KCND2: variants seen among roughly 807,000 people sequenced by gnomAD.
The protein encoded by KCND2 is A-type voltage-gated potassium channel KCND2.
A neutral mutation model predicts 54.4 loss-of-function variants in KCND2; 16 were observed. The observed-to-expected ratio is 0.29, with a 90% CI of 0.20 to 0.45. The LOEUF is 0.45. Among genes scored for constraint, KCND2 ranks in the 20% least tolerant of loss-of-function variants. The pLI is 1.00. For synonymous variants in KCND2, 317 were observed against 310.7 expected (o/e 1.02, Z -0.21); for missense variants, 486 against 824.2 (o/e 0.59, Z 5.02).
intron 1 of KCND2, among the ~76,000 whole-genome samples, chr7:120,440,523 T>C (rs558609027): frequency 5.6e-4 from 85 of 152,240 alleles, no homozygotes; most frequent in African/African-American, 1.9e-3. Context: ...TTGGCTTTTT[T>C]AGTCTGTGCT....
intron 1 of KCND2, among the ~76,000 whole-genome samples, chr7:120,318,623 T>C (rs1235401709): frequency 6.6e-6 from 1 of 152,104 alleles, no homozygotes; most frequent in Non-Finnish European, 1.5e-5. Flanking sequence ...AATCCAGAGA[T>C]TGAGAACCAA....
intron 1 of KCND2, among the ~76,000 whole-genome samples, chr7:120,636,941 G>C (rs1489605785): frequency 6.6e-6 from 1 of 152,012 alleles, no homozygotes; most frequent in East Asian, 1.9e-4. Flanking sequence ...CTATGAATGG[G>C]GAAACTGACC....
chr7:120,736,726 C>G (rs1414908684), intron 2 of KCND2, among the ~76,000 whole-genome samples: 1 of 151,704 alleles, frequency 6.6e-6, no homozygotes, highest in Non-Finnish European at 1.5e-5. Context: ...TTGTAATATT[C>G]ACAATCAACT....
chr7:120,523,312 C>T (rs1584812333), intron 1 of KCND2, among the ~76,000 whole-genome samples: 1 of 151,876 alleles, frequency 6.6e-6, no homozygotes, highest in Middle Eastern at 3.4e-3. Context: ...CAAAATTCTG[C>T]ACGTGTTTTT....
chr7:120,734,576 A>T (rs1383593167), intron 2 of KCND2, among the ~76,000 whole-genome samples: 2 of 152,094 alleles, frequency 1.3e-5, no homozygotes, highest in African/African-American at 4.8e-5. Context: ...AAATGTTAGC[A>T]TACTTCCCTT....
intron 1 of KCND2, among the ~76,000 whole-genome samples, chr7:120,470,952 C>T (rs1802445192): frequency 6.6e-6 from 1 of 151,878 alleles, no homozygotes; most frequent in South Asian, 2.1e-4. Flanking sequence ...CATACAATTC[C>T]TTTTAACTCA....
intron 1 of KCND2, among the ~76,000 whole-genome samples, chr7:120,540,544 T>C (rs2116379698): frequency 6.6e-6 from 1 of 152,298 alleles, no homozygotes; most frequent in South Asian, 2.1e-4. Context: ...ATTACATTTT[T>C]CTTAATTAGA....
At chr7:120,483,601 G>A (rs941575783) in intron 1 of KCND2, among the ~76,000 whole-genome samples, 4 of 152,142 alleles carry the variant, frequency 2.6e-5, no homozygotes, top group African/African-American at 7.2e-5. Flanking sequence ...ATGATTCATC[G>A]AAGTGAGAGG....
intron 1 of KCND2, among the ~76,000 whole-genome samples, chr7:120,583,239 A>G (rs909576590): frequency 1.3e-5 from 2 of 152,048 alleles, no homozygotes; most frequent in Non-Finnish European, 2.9e-5. Flanking sequence ...ACAGAGCAGG[A>G]CCCACCGACA....
intron 2 of KCND2, among the ~76,000 whole-genome samples, chr7:120,733,615 G>A (rs940479798): frequency 1.3e-5 from 2 of 151,924 alleles, no homozygotes; most frequent in South Asian, 2.1e-4. Context: ...ATCTATCAAG[G>A]GTCAAACTGG....
chr7:120,390,023 A>G (rs1256070818), intron 1 of KCND2, among the ~76,000 whole-genome samples: 1 of 151,892 alleles, frequency 6.6e-6, no homozygotes, highest in Non-Finnish European at 1.5e-5. Flanking sequence ...ATTTCCTCTT[A>G]GAATGTTTTA....
chr7:120,619,927 G>A (rs147170268), intron 1 of KCND2, among the ~76,000 whole-genome samples: 1 of 152,212 alleles, frequency 6.6e-6, no homozygotes, highest in Non-Finnish European at 1.5e-5. Context: ...CCCTAGTCAC[G>A]ATGGTATGTG....
intron 1 of KCND2, among the ~76,000 whole-genome samples, chr7:120,507,675 T>C (rs1803047410): frequency 6.6e-6 from 1 of 151,874 alleles, no homozygotes; most frequent in Admixed American, 6.6e-5. Context: ...ATAGAATATG[T>C]CTGGATTTCC....
chr7:120,356,902 T>A (rs568899516), intron 1 of KCND2, among the ~76,000 whole-genome samples: 1 of 152,268 alleles, frequency 6.6e-6, no homozygotes, highest in African/African-American at 2.4e-5. Flanking sequence ...TTAGCGTTAC[T>A]GGGGTTGCGG....
intron 4 of KCND2, among the ~76,000 whole-genome samples, chr7:120,743,943 T>G (rs79727886): frequency 0.034 from 5,122 of 152,224 alleles, 158 homozygotes; most frequent in African/African-American, 0.076. Context: ...TAGGATAAAT[T>G]TGAAAGTTAA....
chr7:120,659,485 T>C (rs1337256134), intron 1 of KCND2, among the ~76,000 whole-genome samples: 1 of 152,204 alleles, frequency 6.6e-6, no homozygotes, highest in African/African-American at 2.4e-5. Flanking sequence ...GAATTATGTG[T>C]CATATTTAAA....
intron 1 of KCND2, among the ~76,000 whole-genome samples, chr7:120,515,223 C>T (rs1803178929): frequency 1.3e-5 from 2 of 152,064 alleles, no homozygotes; most frequent in African/African-American, 4.8e-5. Flanking sequence ...CTGCTTTTCT[C>T]ACCTTCACTG....
chr7:120,591,258 T>C (rs1203899529), intron 1 of KCND2, among the ~76,000 whole-genome samples: 1 of 152,200 alleles, frequency 6.6e-6, no homozygotes, highest in African/African-American at 2.4e-5. Context: ...TTAAATAACA[T>C]ATTGGTACAT....
At chr7:120,490,049 G>T (rs1234761868) in intron 1 of KCND2, among the ~76,000 whole-genome samples, 1 of 152,106 alleles carries the variant, frequency 6.6e-6, no homozygotes, top group Non-Finnish European at 1.5e-5. Context: ...CTTTCTCAGA[G>T]TGGCCTGGAA....
Sources: allele counts gnomAD v4.1 joint callset (sites outside exome capture counted in the v4.1 genomes callset), GRCh38; gene constraint gnomAD v4.1.1; transcripts MANE v1.5; gene names NCBI Gene and HGNC (gene_info 2026-07-23, HGNC 2026-07-21).